The following CAVIN2 variants were observed in gnomAD, a reference collection of about 807,000 sequenced individuals.
CAVIN2 encodes the protein caveolae-associated protein 2.
CAVIN2 carries 13 observed loss-of-function variants against 11.7 expected under a neutral mutation model. The ratio of observed to expected loss-of-function variants is 1.11; its 90% CI spans 0.72 to 1.77. The LOEUF (loss-of-function observed/expected upper bound fraction) is 1.77. CAVIN2 is among the 40% of genes most tolerant of loss of function. The pLI is 0.00. For missense variants in CAVIN2, 549 were observed against 542.9 expected (o/e 1.01, Z -0.11); for synonymous variants, 237 against 223.2 (o/e 1.06, Z -0.55).
At chr2:191,846,358 A>G (rs899248125) in intron 1 of CAVIN2, 85 bp downstream of exon 1, 86 of 1,442,808 alleles carry the variant, frequency 6.0e-5, no homozygotes, top group Non-Finnish European at 7.4e-5. Context: ...ACAAATGTAA[A>G]AATGGCTGTG....
At chr2:191,846,368 G>T in intron 1 of CAVIN2, 75 bp downstream of exon 1, 1 of 1,470,638 alleles carries the variant, frequency 6.8e-7, no homozygotes, top group South Asian at 1.4e-5. Flanking sequence ...AAATGGCTGT[G>T]AGAGCCAGGA....
At chr2:191,842,059 A>C (rs968981082) in intron 1 of CAVIN2, among the ~76,000 whole-genome samples, 1 of 152,190 alleles carries the variant, frequency 6.6e-6, no homozygotes, top group African/African-American at 2.4e-5. Context: ...GGTCTGTACT[A>C]ATGTAACAGT....
rs532073124 is a variant in CAVIN2 at position 191,835,941 on chromosome 2, C to A, written c.1260G>T (p.Gln420His). The change falls in exon 2 of 2, where the codon CAG (glutamine) becomes CAT (histidine). Residue 420 changes from glutamine (Q) to histidine (H), a missense_variant. Transcript: ENST00000304141. ...TCTAAGCTCAGGAGGTCTGGTGCAC[C>A]TGGAGCACGGCGGGCTGCACGGGGT... Reference protein sequence around the residue: ...DGDPVQPAVLQVHQTS With the variant: ...DGDPVQPAVLHVHQTS 6.2e-7 allele frequency: 1 copy of A among 1,612,668 alleles called. No individual in the cohort carries two copies. The highest frequency in any genetic ancestry group is 1.7e-5 in the Admixed American group (1 of 60,000).
chr2:191,836,878 G>A (rs1227194879), intron 1 of CAVIN2, among the ~76,000 whole-genome samples, 161 bp from the exon 2 acceptor site: 10 of 152,286 alleles, frequency 6.6e-5, no homozygotes, highest in Non-Finnish European at 1.0e-4. Flanking sequence ...TTCTAAACTC[G>A]TCAAGTCATT....
intron 1 of CAVIN2, among the ~76,000 whole-genome samples, chr2:191,845,348 C>G (rs1690150332): frequency 6.6e-6 from 1 of 152,204 alleles, no homozygotes; most frequent in African/African-American, 2.4e-5. Context: ...CGGTTTAAAT[C>G]CCAATTTCTA....
intron 1 of CAVIN2, among the ~76,000 whole-genome samples, chr2:191,841,685 T>G (rs1048318711): frequency 4.6e-5 from 7 of 152,180 alleles, no homozygotes; most frequent in African/African-American, 1.7e-4. Context: ...TTGGAGAACA[T>G]TTTTCATTCA....
At position 191,835,899 on chromosome 2, in the gene CAVIN2, C is replaced by G; in HGVS notation, c.*24G>C. 6.3e-7 allele frequency: 1 copy of G among 1,596,708 alleles called. No homozygotes were observed. Among genetic ancestry groups the G allele is most frequent in the Non-Finnish European group, 8.5e-7 (1 of 1,174,102 alleles). On this transcript the variant is annotated 3_prime_UTR_variant, in exon 2 of 2. Transcript: ENST00000304141. ...CCTGGCTGCCCGCTTGAGCACAGCA[C>G]AGGATGGCACGGTGGCTCTAAGCTC...
rs764835762 is a variant in CAVIN2 at position 191,846,514 on chromosome 2, G to T, written c.412C>A (p.Gln138Lys). The T allele has an allele frequency of 6.2e-7, 1 of 1,614,264 alleles. No homozygotes were observed. Among genetic ancestry groups the T allele is most frequent in the Admixed American group, 1.7e-5 (1 of 60,032 alleles). Residue 138 changes from glutamine (Q) to lysine (K), a missense_variant, in exon 1 of 2, where the codon CAG (glutamine) becomes AAG (lysine). Gln to Lys is a moderately conservative substitution (Grantham distance 53). Coordinates refer to ENST00000304141, the MANE Select transcript of CAVIN2 (RefSeq NM_004657.6). ...TGGTTGTTCTCCAGCCGCTTCACCTGTGCGCACTGCCTATCCATGCGCTCT... is the reference window on the plus strand; with the variant it reads ...TGGTTGTTCTCCAGCCGCTTCACCTTTGCGCACTGCCTATCCATGCGCTCT... ...VKERMDRQCAQVKRLENNHAQ... is the reference protein window; with the variant it reads ...VKERMDRQCAKVKRLENNHAQ...
chr2:191,835,953 G>C lies in CAVIN2; in HGVS notation c.1248C>G (p.Pro416=). 3.1e-6 allele frequency: 5 copies of C among 1,613,550 alleles called. No homozygotes were observed. Among genetic ancestry groups the C allele is most frequent in the Non-Finnish European group, 4.2e-6 (5 of 1,179,962 alleles). ...AGGTCTGGTGCACCTGGAGCACGGC[G>C]GGCTGCACGGGGTCCCCATCGGAGC... is the stretch of plus-strand genomic sequence containing the variant. ...AERSDGDPVQ[P]AVLQVHQTS is the part of the protein sequence containing the mutation. The change falls in exon 2 of 2, where the codon CCC becomes CCG. Residue 416 remains proline, a synonymous_variant. Coordinates refer to ENST00000304141, the MANE Select transcript of CAVIN2 (RefSeq NM_004657.6).
chr2:191,840,758 G>GACTC (rs1690081405), intron 1 of CAVIN2, among the ~76,000 whole-genome samples: 1 of 152,132 alleles, frequency 6.6e-6, no homozygotes, highest in Non-Finnish European at 1.5e-5. Flanking sequence ...AAGACTCTAT[G>GACTC]ACTCTCCTTA....
chr2:191,846,611 G>C lies in CAVIN2; in HGVS notation c.315C>G (p.Ala105=). ...NDLTKLSKYQ[A]STSNTVSKLL... ...GCTTGCTCACCGTGTTGCTGGTGGA[G>C]GCCTGGTACTTGGAGAGCTTGGTGA... is the stretch of plus-strand genomic sequence containing the variant. The change falls in exon 1 of 2, where the codon GCC becomes GCG. Residue 105 remains alanine, a synonymous_variant. Transcript: ENST00000304141. 1 of 1,614,268 alleles carries C rather than the reference G, an allele frequency of 6.2e-7. No homozygotes were observed. Among genetic ancestry groups the C allele is most frequent in the African/African-American group, 1.3e-5 (1 of 75,072 alleles).
At chr2:191,841,762 C>T (rs1300000933) in intron 1 of CAVIN2, among the ~76,000 whole-genome samples, 1 of 152,096 alleles carries the variant, frequency 6.6e-6, no homozygotes, top group Non-Finnish European at 1.5e-5. Flanking sequence ...AGGGCTGCAT[C>T]TGAAGGAGTC....
Position 191,842,384 on chromosome 2 carries a change from C to T in CAVIN2, c.483+4059G>A, listed in dbSNP as rs144212312. 5.3e-5 allele frequency among the ~76,000 whole-genome samples: 8 copies of T among 152,290 alleles called. No individual in the cohort carries two copies. The East Asian group carries it at 1.3e-3, about 26-fold the overall frequency. On this transcript the variant is annotated intron_variant, in intron 1 of 1. Coordinates refer to ENST00000304141, the MANE Select transcript of CAVIN2 (RefSeq NM_004657.6). ...TAATCATTACTAGAACCTAAGAGGACGTAAGAGGCTACTGCATCCTCAGGG... is the reference window on the plus strand; with the variant it reads ...TAATCATTACTAGAACCTAAGAGGATGTAAGAGGCTACTGCATCCTCAGGG...
rs767142261 is a variant in CAVIN2 at position 191,836,088 on chromosome 2, G to A, written c.1113C>T (p.Asn371=). Residue 371 remains asparagine (N), a synonymous_variant, in exon 2 of 2, where the codon AAC becomes AAT. Coordinates refer to ENST00000304141, the MANE Select transcript of CAVIN2 (RefSeq NM_004657.6). ...SRGSNSGMDS[N]IDLTIVEDEE... ...CATCTTCCACAATAGTCAAGTCGAT[G>A]TTGCTGTCCATCCCCGAGTTACTCC... 4.3e-6 allele frequency: 7 copies of A among 1,614,196 alleles called. No individual in the cohort carries two copies. The highest frequency in any genetic ancestry group is 1.7e-5 in the Admixed American group (1 of 60,030).
chr2:191,837,004 G>A (rs1474459483), intron 1 of CAVIN2, among the ~76,000 whole-genome samples: 1 of 152,180 alleles, frequency 6.6e-6, no homozygotes, highest in Non-Finnish European at 1.5e-5. Flanking sequence ...GATAGACCAG[G>A]AAGCTGCCTA....
At position 191,836,589 on chromosome 2, in the gene CAVIN2, TG is replaced by T. The variant is rs772189020; in HGVS notation, c.611del (p.Ser204Ter). 1 of 1,614,056 alleles carries T rather than the reference TG, an allele frequency of 6.2e-7. No individual in the cohort carries two copies. Among genetic ancestry groups the T allele is most frequent in the Non-Finnish European group, 8.5e-7 (1 of 1,180,034 alleles). ...EETLHTVDLS[S>X]DDDLPHDEEA... ...CCTCATCGTGGGGCAAATCATCATCTGAGGAGAGGTCCACGGTGTGCAGGGT... is the reference window on the plus strand; with the variant it reads ...CCTCATCGTGGGGCAAATCATCATCTAGGAGAGGTCCACGGTGTGCAGGGT... On this transcript the variant is annotated frameshift_variant, in exon 2 of 2. Coordinates refer to ENST00000304141, the MANE Select transcript of CAVIN2 (RefSeq NM_004657.6). LOFTEE classifies it low-confidence loss of function (END_TRUNC).
rs577989510 is a variant in CAVIN2, at chr2:191,835,338, T to C, written c.*585A>G. On this transcript the variant is annotated 3_prime_UTR_variant, in exon 2 of 2. Transcript: ENST00000304141. ...ATCTTACTTCATTAGCTGACTTTTA[T>C]AATCTCTTCATTTTTCCTTCGTTTG... The C allele has an allele frequency of 2.6e-5, 4 of 152,348 alleles. No homozygotes were observed. The East Asian group carries it at 7.7e-4, about 29-fold the overall frequency. The allele number at this position is 152,348 out of a possible 1,614,324, so 9.4% of individuals were successfully genotyped here. A position where few individuals can be genotyped will look rare whatever the true frequency, so the allele number is the denominator to read the frequency against.
rs1180940313 is a variant in CAVIN2, at chr2:191,836,124, C to A, written c.1077G>T (p.Ala359=). 6.2e-7 allele frequency: 1 copy of A among 1,614,206 alleles called. No homozygotes were observed. The highest frequency in any genetic ancestry group is 2.2e-5 in the East Asian group (1 of 44,886). Residue 359 remains alanine, a synonymous_variant, in exon 2 of 2, where the codon GCG becomes GCT. Coordinates refer to ENST00000304141, the MANE Select transcript of CAVIN2 (RefSeq NM_004657.6). ...GEIAEEAAEK[A]TSRGSNSGMD... is the part of the protein sequence containing the mutation. ...TCCCCGAGTTACTCCCCCTGGAGGT[C>A]GCCTTCTCAGCAGCCTCCTCTGCAA... is the stretch of plus-strand genomic sequence containing the variant.
At chr2:191,845,973 T>C (rs555783118) in intron 1 of CAVIN2, among the ~76,000 whole-genome samples, 2 of 152,324 alleles carry the variant, frequency 1.3e-5, no homozygotes, top group South Asian at 4.1e-4. Context: ...TATAAAGGGA[T>C]AGTTTGACTT....
Sources: allele counts gnomAD v4.1 joint callset (sites outside exome capture counted in the v4.1 genomes callset), GRCh38; gene constraint gnomAD v4.1.1; transcripts MANE v1.5; gene names NCBI Gene and HGNC (gene_info 2026-07-23, HGNC 2026-07-21).